AKAP6: variants seen among roughly 807,000 people sequenced by gnomAD.
AKAP6 encodes the protein A-kinase anchor protein 6.
A neutral mutation model predicts 188.5 loss-of-function variants in AKAP6; 58 were observed. That is an observed-to-expected ratio of 0.31 (90% confidence interval 0.25 to 0.38). The LOEUF (loss-of-function observed/expected upper bound fraction) is 0.38, where lower values mean the gene tolerates loss of function less well. AKAP6 is among the 10% of genes least tolerant of loss of function. The pLI is 1.00. For missense variants in AKAP6, 2,710 were observed against 2,740.0 expected (o/e 0.99, Z 0.24); for synonymous variants, 989 against 998.6 (o/e 0.99, Z 0.18).
At chr14:32,570,298 T>C (rs1471592424) in intron 4 of AKAP6, among the ~76,000 whole-genome samples, 1 of 76,284 alleles carries the variant, frequency 1.3e-5, no homozygotes, top group African/African-American at 5.5e-5. Context: ...GCCCAGCTGA[T>C]TTTTGTATTT....
chr14:32,708,900 C>T (rs750885956), intron 9 of AKAP6, among the ~76,000 whole-genome samples: 1 of 151,992 alleles, frequency 6.6e-6, no homozygotes, highest in Non-Finnish European at 1.5e-5. Context: ...TTTCCCTCCT[C>T]TTCCTCACTC....
At chr14:32,727,910 T>C (rs2030952893) in intron 9 of AKAP6, among the ~76,000 whole-genome samples, 1 of 152,318 alleles carries the variant, frequency 6.6e-6, no homozygotes, top group South Asian at 2.1e-4. Context: ...GTGTTGGTGG[T>C]ACTGACTCCA....
Position 32,331,635 on chromosome 14 carries a change from T to C in AKAP6, c.-35+2227T>C, listed in dbSNP as rs536580126. ...CTCTCTGATTAGCTGCATGTCTTAA[T>C]TACTGGCTAAGGCTATTTCAGTTGT... On this transcript the variant is annotated intron_variant, in intron 1 of 13. Coordinates refer to ENST00000280979, the MANE Select transcript of AKAP6 (RefSeq NM_004274.5). 8.5e-5 allele frequency among the ~76,000 whole-genome samples: 13 copies of C among 152,240 alleles called. No individual in the cohort carries two copies. In the South Asian group the frequency reaches 2.7e-3, roughly 32 times the overall value.
chr14:32,338,821 G>A (rs1251442565), intron 1 of AKAP6, among the ~76,000 whole-genome samples: 2 of 152,136 alleles, frequency 1.3e-5, no homozygotes, highest in Non-Finnish European at 2.9e-5. Flanking sequence ...GGCACAAAGT[G>A]AGAATTTGAT....
intron 12 of AKAP6, among the ~76,000 whole-genome samples, chr14:32,784,570 G>T (rs1397438583): frequency 6.6e-6 from 1 of 152,154 alleles, no homozygotes; most frequent in African/African-American, 2.4e-5. Context: ...AAAAAGCCAT[G>T]TGGCATATCT....
At chr14:32,792,028 GTAGTA>G (rs2033626177) in intron 12 of AKAP6, among the ~76,000 whole-genome samples, 1 of 152,144 alleles carries the variant, frequency 6.6e-6, no homozygotes, top group South Asian at 2.1e-4. Flanking sequence ...CTGTAGCCTT[GTAGTA>G]TAGTTTGAAG....
chr14:32,805,233 T>A, intron 12 of AKAP6, among the ~76,000 whole-genome samples: 1 of 152,196 alleles, frequency 6.6e-6, no homozygotes, highest in Non-Finnish European at 1.5e-5. Flanking sequence ...GCCTGGTCCC[T>A]CTGTTCGGGG....
At chr14:32,812,615 G>C (rs370583166) in intron 12 of AKAP6, among the ~76,000 whole-genome samples, 1 of 152,142 alleles carries the variant, frequency 6.6e-6, no homozygotes, top group Non-Finnish European at 1.5e-5. Flanking sequence ...GTTACTTCTA[G>C]TGAAACATTC....
chr14:32,705,004 G>T, intron 9 of AKAP6, among the ~76,000 whole-genome samples: 1 of 152,174 alleles, frequency 6.6e-6, no homozygotes, highest in Non-Finnish European at 1.5e-5. Flanking sequence ...TACCTGTTCA[G>T]AATAGATGGT....
chr14:32,756,564 A>G (rs2139927934), intron 11 of AKAP6, among the ~76,000 whole-genome samples: 2 of 152,042 alleles, frequency 1.3e-5, no homozygotes, highest in African/African-American at 4.8e-5. Flanking sequence ...CATGGGTTCT[A>G]GCCTGGTACC....
chr14:32,788,658 G>A (rs562765801), intron 12 of AKAP6, among the ~76,000 whole-genome samples: 3 of 144,690 alleles, frequency 2.1e-5, no homozygotes, highest in Non-Finnish European at 4.6e-5. Context: ...TGCAACCGGC[G>A]GATCAGGAGA....
At chr14:32,418,197 A>G (rs1356460420) in intron 1 of AKAP6, among the ~76,000 whole-genome samples, 1 of 152,212 alleles carries the variant, frequency 6.6e-6, no homozygotes, top group African/African-American at 2.4e-5. Flanking sequence ...TCTGAGTGTC[A>G]TGTCAATTAT....
chr14:32,753,309 C>G (rs921480180), intron 11 of AKAP6, among the ~76,000 whole-genome samples: 1 of 152,036 alleles, frequency 6.6e-6, no homozygotes, highest in Non-Finnish European at 1.5e-5. Context: ...TGATGTTGAG[C>G]ATTTTTTCAT....
chr14:32,608,378 T>G (rs1263457984), intron 7 of AKAP6, among the ~76,000 whole-genome samples: 1 of 151,748 alleles, frequency 6.6e-6, no homozygotes, highest in African/African-American at 2.4e-5. Context: ...TGTGTGCCTG[T>G]AGTCCCAGCT....
At chr14:32,431,567 G>A (rs940649288) in intron 1 of AKAP6, among the ~76,000 whole-genome samples, 3 of 152,094 alleles carry the variant, frequency 2.0e-5, no homozygotes, top group Non-Finnish European at 4.4e-5. Flanking sequence ...GAGTGCAATG[G>A]TGCAATCTCG....
intron 2 of AKAP6, among the ~76,000 whole-genome samples, chr14:32,516,953 A>T (rs1881553724): frequency 6.6e-6 from 1 of 152,190 alleles, no homozygotes; most frequent in South Asian, 2.1e-4. Flanking sequence ...GCTATCAAAG[A>T]TTACTATTAC....
Position 32,822,770 on chromosome 14 carries a change from A to G in AKAP6, c.4957A>G (p.Ser1653Gly). ...CCCCTCAGAGCAAAAGATAAAACGA[A>G]GTGTTTCTGATATCACTCTTCAAAG... ...QSPSEQKIKR[S>G]VSDITLQSSS... Residue 1653 changes from serine (S) to glycine (G), a missense_variant, in exon 13 of 14, where the codon AGT becomes GGT. Transcript: ENST00000280979. 6.2e-7 allele frequency: 1 copy of G among 1,613,912 alleles called. No individual in the cohort carries two copies. The highest frequency in any genetic ancestry group is 2.2e-5 in the East Asian group (1 of 44,872).
At chr14:32,778,963 A>G (rs2033154920) in intron 12 of AKAP6, among the ~76,000 whole-genome samples, 1 of 152,174 alleles carries the variant, frequency 6.6e-6, no homozygotes, top group Admixed American at 6.5e-5. Flanking sequence ...CAATAAATAG[A>G]AGAATAGCAA....
chr14:32,629,377 G>GCATAA (rs1181373299), intron 7 of AKAP6, among the ~76,000 whole-genome samples: 2 of 127,172 alleles, frequency 1.6e-5, no homozygotes, highest in Non-Finnish European at 3.1e-5. Context: ...TCATAACACA[G>GCATAA]CATAACAATG....
Sources: gnomAD v4.1 joint callset for allele counts (sites outside exome capture counted in the v4.1 genomes callset) on GRCh38, gnomAD v4.1.1 for gene constraint, MANE v1.5 for transcripts, NCBI Gene and HGNC (gene_info 2026-07-23, HGNC 2026-07-21) for gene names.